FCAR: variants seen among roughly 807,000 people sequenced by gnomAD.
FCAR encodes the protein Fc alpha receptor.
FCAR carries 21 observed loss-of-function variants against 27.1 expected under a neutral mutation model. That is an observed-to-expected ratio of 0.77 (90% CI 0.55 to 1.11). The LOEUF (loss-of-function observed/expected upper bound fraction) is 1.11. FCAR is among the 50% of genes most tolerant of loss of function. The pLI, the probability that FCAR is intolerant of heterozygous loss-of-function variation, is 0.00. For synonymous variants in FCAR, 134 were observed against 135.8 expected, an observed-to-expected ratio of 0.99 and a Z score of 0.09; for missense variants, 404 against 358.4, an observed-to-expected ratio of 1.13 and a Z score of -1.03.
At chr19:54,883,763 G>T (rs1294124700) in intron 2 of FCAR, among the ~76,000 whole-genome samples, 1 of 152,048 alleles carries the variant, frequency 6.6e-6, no homozygotes, top group Admixed American at 6.6e-5. Context: ...GACCATCCTG[G>T]ATAACATGGT....
chr19:54,885,260 T>G lies in FCAR; in HGVS notation c.96T>G (p.Ser32=), dbSNP rs186958714. 85 of 1,613,596 alleles carry G rather than the reference T, an allele frequency of 5.3e-5. 1 individual carries two copies. The East Asian group carries it at 1.8e-3, about 35-fold the overall frequency. ...QEGDFPMPFI[S]AKSSPVIPLD... Reference sequence around the variant, plus strand: ...GGGACTTTCCCATGCCTTTCATATCTGCCAAATCGAGTCCTGTGATTCCCT... The same window carrying G: ...GGGACTTTCCCATGCCTTTCATATCGGCCAAATCGAGTCCTGTGATTCCCT... Residue 32 remains serine (S), a synonymous_variant, in exon 3 of 5, where the codon TCT becomes TCG. Transcript: ENST00000355524.
chr19:54,887,922 A>G (rs2066834919), intron 3 of FCAR, 85 bp from the exon 4 acceptor site: 1 of 1,153,888 alleles, frequency 8.7e-7, no homozygotes, highest in Non-Finnish European at 1.2e-6. Context: ...CATCTCAAAA[A>G]AATATATAAT....
intron 2 of FCAR, among the ~76,000 whole-genome samples, chr19:54,877,916 A>ATTTTTTTT: frequency 7.0e-6 from 1 of 143,464 alleles, no homozygotes; most frequent in Non-Finnish European, 1.5e-5. Flanking sequence ...TTTGCTAAGG[A>ATTTTTTTT]TTGTTTTTTT....
At chr19:54,888,922 G>A (rs1249283670) in intron 4 of FCAR, 2 of 985,310 alleles carry the variant, frequency 2.0e-6, no homozygotes, top group South Asian at 4.7e-5. Flanking sequence ...AACCTGCCTG[G>A]CCGGGCGTGG....
intron 2 of FCAR, among the ~76,000 whole-genome samples, chr19:54,878,108 G>A (rs921511488): frequency 7.2e-5 from 11 of 152,142 alleles, no homozygotes; most frequent in Non-Finnish European, 1.0e-4. Context: ...TAGTAAAGAC[G>A]GGGTTTCACT....
intron 2 of FCAR, 68 bp from the exon 3 acceptor site, chr19:54,885,167 C>T (rs1402529408): frequency 1.5e-5 from 21 of 1,360,158 alleles, no homozygotes; most frequent in Non-Finnish European, 4.1e-6. Flanking sequence ...TTTACTTCTC[C>T]CACAGAGAAG....
chr19:54,887,841 C>T (rs587620855), intron 3 of FCAR, among the ~76,000 whole-genome samples, 166 bp from the exon 4 acceptor site: 35 of 151,084 alleles, frequency 2.3e-4, no homozygotes, highest in African/African-American at 6.8e-4. Flanking sequence ...TGCTTGAACC[C>T]GGGAGACGGA....
intron 2 of FCAR, among the ~76,000 whole-genome samples, chr19:54,879,033 C>T (rs2145853513): frequency 6.9e-6 from 1 of 144,198 alleles, no homozygotes; most frequent in East Asian, 2.1e-4. Context: ...TGTGTACCAC[C>T]ACGCCCAGCT....
At chr19:54,877,106 G>T (rs1193727672) in intron 2 of FCAR, among the ~76,000 whole-genome samples, 1 of 152,168 alleles carries the variant, frequency 6.6e-6, no homozygotes, top group East Asian at 1.9e-4. Flanking sequence ...AGATGATGCT[G>T]GTCTCATAGA....
rs745526185 is a variant in FCAR at position 54,874,245 on chromosome 19, T to C, written c.-45T>C. On this transcript the variant is annotated 5_prime_UTR_variant, in exon 1 of 5. The change abolishes an upstream ATG in the 5' untranslated region. Coordinates refer to ENST00000355524, the MANE Select transcript of FCAR (RefSeq NM_002000.4). ...GTAAGAATATCTGTCATCCTGCTAATGTGCATTGAAAGGAGAGCAACGGGG... is the reference window on the plus strand; with the variant it reads ...GTAAGAATATCTGTCATCCTGCTAACGTGCATTGAAAGGAGAGCAACGGGG... 6 of 1,609,030 alleles carry C rather than the reference T, an allele frequency of 3.7e-6. No homozygotes were observed. The highest frequency in any genetic ancestry group is 1.3e-5 in the African/African-American group (1 of 74,844).
Position 54,875,337 on chromosome 19 carries a change from T to A in FCAR, c.42T>A (p.Cys14Ter). The A allele has an allele frequency of 6.2e-7, 1 of 1,613,918 alleles. No homozygotes were observed. The highest frequency in any genetic ancestry group is 8.5e-7 in the Non-Finnish European group (1 of 1,179,874). The part of the protein sequence containing the change: ...KQTTLLCLVL[C>*]LGQRIQAQEG... ...TAAATCTCTCTCTTCCAGTGCTCTGTCTGGGCCAGAGGATTCAGGCACAGG... is the reference window on the plus strand; with the variant it reads ...TAAATCTCTCTCTTCCAGTGCTCTGACTGGGCCAGAGGATTCAGGCACAGG... Residue 14 changes from cysteine (C) to a stop codon, truncating the protein, a stop_gained, in exon 2 of 5, where the codon TGT becomes TGA. Coordinates refer to ENST00000355524, the MANE Select transcript of FCAR (RefSeq NM_002000.4). LOFTEE classifies it high-confidence loss of function.
intron 3 of FCAR, among the ~76,000 whole-genome samples, chr19:54,887,042 G>A (rs1480466427): frequency 5.6e-5 from 4 of 71,088 alleles, no homozygotes; most frequent in African/African-American, 1.7e-4. Flanking sequence ...GAGGCTGGGC[G>A]CCGTGGCTCA....
intron 2 of FCAR, among the ~76,000 whole-genome samples, chr19:54,883,171 A>C (rs1174959003): frequency 1.3e-5 from 2 of 151,256 alleles, no homozygotes; most frequent in South Asian, 2.1e-4. Context: ...ATAAAGAGAA[A>C]ATTTTTGTAA....
intron 3 of FCAR, 111 bp downstream of exon 3, chr19:54,885,636 T>A: frequency 1.3e-6 from 1 of 787,092 alleles, no homozygotes; most frequent in Non-Finnish European, 2.0e-6. Context: ...GATGATTGCT[T>A]CAGAGAGTTC....
intron 2 of FCAR, 91 bp from the exon 3 acceptor site, chr19:54,885,144 A>G (rs1377331602): frequency 8.8e-7 from 1 of 1,130,026 alleles, no homozygotes; most frequent in Non-Finnish European, 1.2e-6. Context: ...GGTTCTTCAC[A>G]CCCTAATGTA....
chr19:54,875,730 A>G (rs1017757314), intron 2 of FCAR, among the ~76,000 whole-genome samples: 18 of 152,212 alleles, frequency 1.2e-4, no homozygotes, highest in African/African-American at 4.1e-4. Flanking sequence ...TTCATTTAAA[A>G]GGATGCTGCC....
chr19:54,885,358 A>G lies in FCAR; in HGVS notation c.194A>G (p.Asn65Ser), dbSNP rs755009266. Residue 65 changes from asparagine (N) to serine (S), a missense_variant, in exon 3 of 5, where the codon AAC becomes AGC. Asn to Ser is a conservative substitution (Grantham distance 46, BLOSUM62 1). Coordinates refer to ENST00000355524, the MANE Select transcript of FCAR (RefSeq NM_002000.4). Reference protein sequence around the residue: ...AYLTQLMIIKNSTYREIGRRL... With the variant: ...AYLTQLMIIKSSTYREIGRRL... Reference sequence around the variant, plus strand: ...CTGACCCAGCTGATGATCATAAAAAACTCCACGTACCGAGAGATAGGCAGA... The same window carrying G: ...CTGACCCAGCTGATGATCATAAAAAGCTCCACGTACCGAGAGATAGGCAGA... 17 of 1,613,350 alleles carry G rather than the reference A, an allele frequency of 1.1e-5. No individual in the cohort carries two copies. Among genetic ancestry groups the G allele is most frequent in the Non-Finnish European group, 1.4e-5 (17 of 1,179,906 alleles).
At chr19:54,874,901 T>G (rs2066003709) in intron 1 of FCAR, among the ~76,000 whole-genome samples, 1 of 152,148 alleles carries the variant, frequency 6.6e-6, no homozygotes, top group African/African-American at 2.4e-5. Flanking sequence ...CCGGGCGCAG[T>G]GGCTCACACC....
At position 54,885,653 on chromosome 19, in the gene FCAR, A is replaced by C. The variant is rs975251732; in HGVS notation, c.361+128A>C. ...TGATTGCTTCAGAGAGTTCTCAGCC[A>C]TCTGGCACCCCACTTCCCCCAGAGT... is the stretch of plus-strand genomic sequence containing the variant. On this transcript the variant is annotated intron_variant, in intron 3 of 4. Coordinates refer to ENST00000355524, the MANE Select transcript of FCAR (RefSeq NM_002000.4). The C allele has an allele frequency of 2.4e-5, 16 of 666,302 alleles. No homozygotes were observed. In the South Asian group the frequency reaches 3.2e-4, roughly 14 times the overall value. 41.3% of individuals were successfully genotyped at this position (666,302 alleles called of 1,614,324 possible).
Sources: allele counts gnomAD v4.1 joint callset (sites outside exome capture counted in the v4.1 genomes callset), GRCh38; gene constraint gnomAD v4.1.1; transcripts MANE v1.5; gene names NCBI Gene and HGNC (gene_info 2026-07-23, HGNC 2026-07-21).